The following DUS2 variants were observed in gnomAD, a reference collection of about 807,000 sequenced individuals.
DUS2 encodes tRNA-dihydrouridine(20) synthase [NAD(P)+]-like.
Under a neutral mutation model 71.3 loss-of-function variants are expected in DUS2, and 52 were observed. The observed-to-expected ratio is 0.73, with a 90% CI of 0.58 to 0.92. The LOEUF is 0.92. Among genes scored for constraint, DUS2 ranks in the 40% least tolerant of loss-of-function variants. The pLI is 0.00. For missense variants in DUS2, 558 were observed against 622.6 expected, an observed-to-expected ratio of 0.90 and a Z score of 1.10; for synonymous variants, 204 against 227.8, an observed-to-expected ratio of 0.90 and a Z score of 0.94.
chr16:68,053,728 C>A, intron 5 of DUS2, 73 bp downstream of exon 5: 1 of 1,516,826 alleles, frequency 6.6e-7, no homozygotes, highest in Non-Finnish European at 9.1e-7. Flanking sequence ...ATGCCCTGTG[C>A]CAGGCCAGTG....
intron 8 of DUS2, 49 bp from the exon 9 acceptor site, chr16:68,066,268 A>C (rs764283153): frequency 1.3e-6 from 2 of 1,561,686 alleles, no homozygotes; most frequent in Non-Finnish European, 1.8e-6. Flanking sequence ...AGGCAGAGTG[A>C]TGGTTTGTTC....
At chr16:68,046,160 A>G (rs549951296) in intron 3 of DUS2, among the ~76,000 whole-genome samples, 30 of 152,278 alleles carry the variant, frequency 2.0e-4, no homozygotes, top group Non-Finnish European at 3.8e-4. Context: ...TAGTGAACAT[A>G]ATACCCAATA....
At chr16:68,027,743 C>T (rs899626047) in intron 2 of DUS2, among the ~76,000 whole-genome samples, 21 of 152,182 alleles carry the variant, frequency 1.4e-4, no homozygotes, top group African/African-American at 4.8e-4. Context: ...CTCAGAGATG[C>T]CTTTACCCTG....
At chr16:68,055,607 A>G (rs1397961225) in intron 6 of DUS2, among the ~76,000 whole-genome samples, 4 of 152,088 alleles carry the variant, frequency 2.6e-5, no homozygotes, top group African/African-American at 7.2e-5. Context: ...TTTCTCACCT[A>G]TAAAATAGTG....
At chr16:68,025,297 C>A (rs2033331949) in intron 1 of DUS2, 118 bp from the exon 2 acceptor site, 1 of 151,458 alleles carries the variant, frequency 6.6e-6, no homozygotes, top group African/African-American at 2.4e-5. Flanking sequence ...CGAGATCGCA[C>A]CATTGCACTC....
intron 7 of DUS2, among the ~76,000 whole-genome samples, chr16:68,057,125 T>A (rs1299385604): frequency 7.1e-6 from 1 of 140,020 alleles, no homozygotes; most frequent in Non-Finnish European, 1.5e-5. Flanking sequence ...ATTACATATA[T>A]AAATATATAA....
chr16:68,032,002 C>T (rs1185048269), intron 2 of DUS2, among the ~76,000 whole-genome samples: 3 of 152,150 alleles, frequency 2.0e-5, no homozygotes, highest in Non-Finnish European at 4.4e-5. Flanking sequence ...GCCAAGGTTA[C>T]TGTCTAAGAA....
intron 8 of DUS2, 74 bp downstream of exon 8, chr16:68,061,187 C>A: frequency 6.9e-7 from 1 of 1,443,458 alleles, no homozygotes; most frequent in Non-Finnish European, 9.7e-7. Flanking sequence ...ACGCCTCCTT[C>A]CACCAATACC....
chr16:68,041,167 A>C (rs949234521), intron 3 of DUS2, among the ~76,000 whole-genome samples: 1 of 152,096 alleles, frequency 6.6e-6, no homozygotes. Flanking sequence ...CAGAGGTTGT[A>C]GTGAGCTGAG....
In DUS2 at chr16:68,074,027, T is replaced by G; in HGVS notation, c.811-7T>G. The G allele has an allele frequency of 6.2e-7, 1 of 1,614,008 alleles. No homozygotes were observed. The highest frequency in any genetic ancestry group is 8.5e-7 in the Non-Finnish European group (1 of 1,179,888). ...CTGGGCATCAGGCAAGTCATTTCTTTTCTCAGGCGGTGCAGTATGACAACC... is the reference window on the plus strand; with the variant it reads ...CTGGGCATCAGGCAAGTCATTTCTTGTCTCAGGCGGTGCAGTATGACAACC... On this transcript the variant is annotated splice_region_variant and splice_polypyrimidine_tract_variant and intron_variant, in intron 12 of 16. Transcript: ENST00000565263.
rs947467293 is a variant in DUS2, at chr16:68,033,605, C to T, written c.-18-4401C>T. On this transcript the variant is annotated intron_variant, in intron 2 of 16. Transcript: ENST00000565263. ...GCCCAAGTGATCCTCCAACTTCATC[C>T]TCCCAAGTAGCTGAGACTACAGGTG... 1.1e-4 allele frequency among the ~76,000 whole-genome samples: 16 copies of T among 150,694 alleles called. No individual in the cohort carries two copies. In the South Asian group the frequency reaches 2.1e-3, roughly 20 times the overall value.
chr16:68,076,793 G>C (rs1348654619), intron 15 of DUS2, 74 bp downstream of exon 15: 1 of 1,385,778 alleles, frequency 7.2e-7, no homozygotes, highest in Admixed American at 1.8e-5. Context: ...ACTCTAGATT[G>C]CCAGGCTGGA....
chr16:68,054,530 A>G lies in DUS2; in HGVS notation c.265-44A>G, dbSNP rs770894591. 3.1e-6 allele frequency: 5 copies of G among 1,611,454 alleles called. No homozygotes were observed. In the South Asian group the frequency reaches 4.4e-5, roughly 14 times the overall value. The stretch of plus-strand genomic sequence containing the variant: ...TGGGTGTGTTTGTCAGTGCATGTGT[A>G]TCTGTGTCAGGGCAGTGGTTGATGC... On this transcript the variant is annotated intron_variant, in intron 5 of 16. Coordinates refer to ENST00000565263, the MANE Select transcript of DUS2 (RefSeq NM_017803.5).
At chr16:68,057,246 A>G in intron 7 of DUS2, among the ~76,000 whole-genome samples, 1 of 143,728 alleles carries the variant, frequency 7.0e-6, no homozygotes, top group Non-Finnish European at 1.5e-5. Context: ...ATATATATAT[A>G]TAGAGAGAGA....
At chr16:68,023,591 T>G in intron 1 of DUS2, 1 of 220,710 alleles carries the variant, frequency 4.5e-6, no homozygotes, top group Non-Finnish European at 9.9e-6. Flanking sequence ...TGCAGCTGTT[T>G]TCCCAGATGT....
chr16:68,070,976 C>G lies in DUS2; in HGVS notation c.678C>G (p.Asp226Glu), dbSNP rs960010385. ...GSHDHIQQYS[D>E]IEDFRQATAA... ...ATGACCACATCCAACAGTATTCGGA[C>G]ATAGAGGACTTTCGACAAGCCACGG... The change falls in exon 12 of 17, where the codon GAC (aspartate) becomes GAG (glutamate). Residue 226 changes from aspartate to glutamate, a missense_variant. Coordinates refer to ENST00000565263, the MANE Select transcript of DUS2 (RefSeq NM_017803.5). 9.9e-6 allele frequency: 16 copies of G among 1,614,228 alleles called. No homozygotes were observed. The highest frequency in any genetic ancestry group is 1.4e-5 in the Non-Finnish European group (16 of 1,180,040).
chr16:68,034,641 T>C (rs566840365), intron 2 of DUS2, among the ~76,000 whole-genome samples: 2 of 152,318 alleles, frequency 1.3e-5, no homozygotes, highest in East Asian at 1.9e-4. Flanking sequence ...ACTGGAATTA[T>C]AGCATGAGCT....
intron 2 of DUS2, among the ~76,000 whole-genome samples, chr16:68,029,948 G>A (rs976342667): frequency 1.3e-5 from 2 of 150,406 alleles, no homozygotes; most frequent in Non-Finnish European, 3.0e-5. Context: ...GTCTTATTAT[G>A]TTGCCTGGGC....
At chr16:68,026,361 C>G (rs977676944) in intron 2 of DUS2, among the ~76,000 whole-genome samples, 6 of 152,138 alleles carry the variant, frequency 3.9e-5, no homozygotes, top group Non-Finnish European at 8.8e-5. Flanking sequence ...AAATGAAGCA[C>G]TTTGGGAATT....
Sources: gnomAD v4.1 joint callset for allele counts (sites outside exome capture counted in the v4.1 genomes callset) on GRCh38, gnomAD v4.1.1 for gene constraint, MANE v1.5 for transcripts, NCBI Gene and HGNC (gene_info 2026-07-23, HGNC 2026-07-21) for gene names.